Variants in TAF4B observed in about 807,000 individuals in gnomAD.
TAF4B encodes the protein TATA-box binding protein associated factor 4b, also known as transcription initiation factor TFIID subunit 4B.
In TAF4B, 38 loss-of-function variants were observed where a neutral mutation model predicts 86.4. The observed-to-expected ratio is 0.44, with a 90% CI of 0.34 to 0.58. TAF4B has a LOEUF of 0.58. Among genes scored for constraint, TAF4B ranks in the 20% least tolerant of loss-of-function variants. TAF4B has a pLI of 0.02. For synonymous variants in TAF4B, 388 were observed against 391.2 expected, an observed-to-expected ratio of 0.99 and a Z score of 0.10; for missense variants, 988 against 1,027.6, an observed-to-expected ratio of 0.96 and a Z score of 0.53.
chr18:26,285,222 G>GTTTTTTTTTTTGTTTTTTTTTTT (rs1555677501), intron 6 of TAF4B, among the ~76,000 whole-genome samples: 3 of 45,688 alleles, frequency 6.6e-5, no homozygotes, highest in East Asian at 1.1e-3. Flanking sequence ...TTTTTTTTTT[G>GTTTTTTTTTTTGTTTTTTTTTTT]TTTTTTTTTT....
chr18:26,247,600 G>A lies in TAF4B; in HGVS notation c.344-17570G>A, dbSNP rs115155464. On this transcript the variant is annotated intron_variant, in intron 1 of 14. Coordinates refer to ENST00000269142, the MANE Select transcript of TAF4B (RefSeq NM_005640.3). ...TTCTTTTAAAAAAAATTGACACAGG[G>A]TTGGGCATGGTGACTCACATCTTGT... is the stretch of plus-strand genomic sequence containing the variant. Among the ~76,000 whole-genome samples, 741 of 152,276 alleles carry A rather than the reference G, an allele frequency of 4.9e-3. 8 individuals carry two copies. Among genetic ancestry groups the A allele is most frequent in the African/African-American group, 0.017 (702 of 41,556 alleles).
chr18:26,267,949 T>C (rs1176937913), intron 3 of TAF4B, among the ~76,000 whole-genome samples: 1 of 151,778 alleles, frequency 6.6e-6, no homozygotes, highest in Non-Finnish European at 1.5e-5. Flanking sequence ...GAAAGGAGAG[T>C]AGATAAGGGT....
At chr18:26,251,455 A>G (rs75509543) in intron 1 of TAF4B, among the ~76,000 whole-genome samples, 1 of 152,170 alleles carries the variant, frequency 6.6e-6, no homozygotes, top group Non-Finnish European at 1.5e-5. Context: ...CTTGACACCA[A>G]GAAATTGGCA....
At position 26,293,412 on chromosome 18, in the gene TAF4B, T is replaced by G; in HGVS notation, c.1727-14T>G. The G allele has an allele frequency of 1.3e-6, 2 of 1,566,972 alleles. No homozygotes were observed. The highest frequency in any genetic ancestry group is 1.7e-6 in the Non-Finnish European group (2 of 1,154,560). On this transcript the variant is annotated splice_polypyrimidine_tract_variant and intron_variant, in intron 8 of 14. Coordinates refer to ENST00000269142, the MANE Select transcript of TAF4B (RefSeq NM_005640.3). ...TTTTTTTGTATTCTATTTTTTCTTG[T>G]TTTGTTTTTATAGCTTCCATTCTAA...
In TAF4B at chr18:26,292,399, T is replaced by G; in HGVS notation, c.1726+18T>G. ...TCCTCCAGGTAGATGCTGGTCCATC[T>G]CAGTCCCATCATGCTGGGTTAGAAC... On this transcript the variant is annotated intron_variant, in intron 8 of 14. Coordinates refer to ENST00000269142, the MANE Select transcript of TAF4B (RefSeq NM_005640.3). 6.2e-7 allele frequency: 1 copy of G among 1,601,182 alleles called. No individual in the cohort carries two copies. The highest frequency in any genetic ancestry group is 8.5e-7 in the Non-Finnish European group (1 of 1,175,166).
At chr18:26,346,897 ATATG>A (rs1396484931) in intron 13 of TAF4B, among the ~76,000 whole-genome samples, 3,775 of 11,894 alleles carry the variant, frequency 0.32, 1,219 homozygotes, top group Admixed American at 0.6. Flanking sequence ...ATATATATAT[ATATG>A]TGTGTGTATA....
intron 11 of TAF4B, among the ~76,000 whole-genome samples, chr18:26,325,237 G>C (rs1791761): frequency 6.6e-6 from 1 of 152,168 alleles, no homozygotes; most frequent in Non-Finnish European, 1.5e-5. Flanking sequence ...GCTTCATTCA[G>C]TGTTTTCCAG....
chr18:26,252,552 C>T lies in TAF4B; in HGVS notation c.344-12618C>T, dbSNP rs548841370. Among the ~76,000 whole-genome samples, 14 of 152,134 alleles carry T rather than the reference C, an allele frequency of 9.2e-5. No individual in the cohort carries two copies. In the South Asian group the frequency reaches 2.5e-3, roughly 27 times the overall value. On this transcript the variant is annotated intron_variant, in intron 1 of 14. Coordinates refer to ENST00000269142, the MANE Select transcript of TAF4B (RefSeq NM_005640.3). Reference sequence around the variant, plus strand: ...TTAAATCGTGTGCCATTCTGAGTATCGTGATGAAATCTCCCTCCATTCCAC... The same window carrying T: ...TTAAATCGTGTGCCATTCTGAGTATTGTGATGAAATCTCCCTCCATTCCAC...
chr18:26,288,742 A>G (rs1337638124), intron 7 of TAF4B, among the ~76,000 whole-genome samples: 1 of 152,198 alleles, frequency 6.6e-6, no homozygotes, highest in Non-Finnish European at 1.5e-5. Flanking sequence ...AAGAACTTCT[A>G]GGTTTCTGGA....
chr18:26,282,269 A>C (rs1457767688), intron 6 of TAF4B, among the ~76,000 whole-genome samples: 1 of 152,208 alleles, frequency 6.6e-6, no homozygotes, highest in African/African-American at 2.4e-5. Flanking sequence ...CATTTTATTC[A>C]TGAACATAAG....
chr18:26,263,441 A>G lies in TAF4B; in HGVS notation c.344-1729A>G, dbSNP rs150764140. On this transcript the variant is annotated intron_variant, in intron 1 of 14. Coordinates refer to ENST00000269142, the MANE Select transcript of TAF4B (RefSeq NM_005640.3). The stretch of plus-strand genomic sequence containing the variant: ...TGGTCATCTTAATCTTTGCTTGTCT[A>G]TGTAGATATGAAGTGATATTTCACT... 4.4e-3 allele frequency among the ~76,000 whole-genome samples: 674 copies of G among 152,010 alleles called. 5 individuals are homozygous for G. The highest frequency in any genetic ancestry group is 0.016 in the African/African-American group (644 of 41,442).
intron 13 of TAF4B, among the ~76,000 whole-genome samples, chr18:26,350,386 A>T (rs2057234994): frequency 6.6e-6 from 1 of 152,194 alleles, no homozygotes; most frequent in African/African-American, 2.4e-5. Context: ...CAGATTGGCA[A>T]ATGAGCCAGG....
At chr18:26,282,358 A>G (rs2056460975) in intron 6 of TAF4B, among the ~76,000 whole-genome samples, 2 of 152,214 alleles carry the variant, frequency 1.3e-5, no homozygotes, top group African/African-American at 4.8e-5. Context: ...GTTTCAGACC[A>G]CCATAAGAAA....
chr18:26,260,431 T>G (rs1199153619), intron 1 of TAF4B, among the ~76,000 whole-genome samples: 1 of 152,230 alleles, frequency 6.6e-6, no homozygotes, highest in East Asian at 1.9e-4. Context: ...CATTTAAGTC[T>G]TTAATCCATC....
At chr18:26,315,486 C>A in intron 10 of TAF4B, 88 bp downstream of exon 10, 2 of 960,418 alleles carry the variant, frequency 2.1e-6, no homozygotes, top group Non-Finnish European at 1.5e-6. Flanking sequence ...GTTGGTTGTC[C>A]TGGAACTCTG....
intron 9 of TAF4B, among the ~76,000 whole-genome samples, chr18:26,304,473 G>T (rs2056774130): frequency 1.3e-5 from 2 of 152,184 alleles, no homozygotes; most frequent in Non-Finnish European, 2.9e-5. Context: ...AGTAAAAAAT[G>T]TAGTCAATAA....
At chr18:26,290,939 TATG>T (rs900850699) in intron 7 of TAF4B, among the ~76,000 whole-genome samples, 8 of 152,198 alleles carry the variant, frequency 5.3e-5, no homozygotes, top group African/African-American at 1.9e-4. Flanking sequence ...AGTACATGAA[TATG>T]ATCTCAGCTT....
intron 13 of TAF4B, among the ~76,000 whole-genome samples, chr18:26,349,900 TAATC>T (rs1245942035): frequency 1.3e-5 from 2 of 152,166 alleles, no homozygotes; most frequent in Non-Finnish European, 2.9e-5. Flanking sequence ...ATCCAGAAGT[TAATC>T]AAGGTGTCTA....
At chr18:26,332,945 T>C (rs73395946) in intron 12 of TAF4B, among the ~76,000 whole-genome samples, 2,757 of 152,156 alleles carry the variant, frequency 0.018, 76 homozygotes, top group African/African-American at 0.063. Context: ...TTCAACCACA[T>C]GGACCATCGT....
Sources: gnomAD v4.1 joint callset for allele counts (sites outside exome capture counted in the v4.1 genomes callset) on GRCh38, gnomAD v4.1.1 for gene constraint, MANE v1.5 for transcripts, NCBI Gene and HGNC (gene_info 2026-07-23, HGNC 2026-07-21) for gene names.